Variants in ADAMTS20 observed in about 807,000 individuals in gnomAD.
The protein encoded by ADAMTS20 is A disintegrin and metalloproteinase with thrombospondin motifs 20.
In ADAMTS20, 225 loss-of-function variants were observed where a neutral mutation model predicts 260.1. The ratio of observed to expected loss-of-function variants is 0.87; its 90% CI spans 0.78 to 0.97. ADAMTS20 has a LOEUF of 0.97. Ranked by LOEUF, ADAMTS20 falls within the 50% of genes least tolerant of loss-of-function variation. The pLI is 0.00. For synonymous variants in ADAMTS20, 802 were observed against 769.5 expected (o/e 1.04, Z -0.70); for missense variants, 2,400 against 2,337.7 (o/e 1.03, Z -0.55).
At chr12:43,371,867 C>T (rs1213189668) in intron 36 of ADAMTS20, among the ~76,000 whole-genome samples, 1 of 152,124 alleles carries the variant, frequency 6.6e-6, no homozygotes, top group Admixed American at 6.5e-5. Context: ...ATTCACCTGA[C>T]AGAAGTTGAT....
chr12:43,392,819 G>A (rs1350959204), intron 29 of ADAMTS20, among the ~76,000 whole-genome samples: 2 of 151,974 alleles, frequency 1.3e-5, no homozygotes, highest in African/African-American at 4.8e-5. Context: ...CTCCTTCTCA[G>A]GGTCTTTTAC....
At chr12:43,449,629 C>T (rs901422062) in intron 14 of ADAMTS20, among the ~76,000 whole-genome samples, 30 of 151,928 alleles carry the variant, frequency 2.0e-4, no homozygotes, top group African/African-American at 7.2e-4. Context: ...TACCCCTGAA[C>T]CTAAAATAAA....
intron 3 of ADAMTS20, among the ~76,000 whole-genome samples, chr12:43,529,801 T>C (rs917888998): frequency 6.6e-6 from 1 of 152,140 alleles, no homozygotes; most frequent in Non-Finnish European, 1.5e-5. Context: ...CCAAAAGCTA[T>C]TAAAACTTTT....
intron 7 of ADAMTS20, among the ~76,000 whole-genome samples, chr12:43,483,820 G>C (rs1242550265): frequency 1.3e-5 from 2 of 152,148 alleles, no homozygotes; most frequent in Non-Finnish European, 2.9e-5. Flanking sequence ...ACCTGCTTTA[G>C]CCGCAGCCAG....
At chr12:43,487,512 T>G (rs1383956213) in intron 7 of ADAMTS20, among the ~76,000 whole-genome samples, 1 of 152,070 alleles carries the variant, frequency 6.6e-6, no homozygotes, top group East Asian at 1.9e-4. Flanking sequence ...CACGAAAATC[T>G]TAAGACTTCA....
At chr12:43,421,247 C>A (rs1941228294) in intron 28 of ADAMTS20, among the ~76,000 whole-genome samples, 1 of 107,546 alleles carries the variant, frequency 9.3e-6, no homozygotes, top group Admixed American at 1.2e-4. Flanking sequence ...GTGAATGCGC[C>A]AGAATTTAGG....
At chr12:43,539,520 G>A (rs1565587116) in intron 2 of ADAMTS20, among the ~76,000 whole-genome samples, 1 of 152,042 alleles carries the variant, frequency 6.6e-6, no homozygotes, top group Non-Finnish European at 1.5e-5. Flanking sequence ...CTTTTCTAGG[G>A]CTGATACCCT....
chr12:43,451,919 A>G (rs1414463338), intron 14 of ADAMTS20, among the ~76,000 whole-genome samples: 1 of 152,184 alleles, frequency 6.6e-6, no homozygotes, highest in African/African-American at 2.4e-5. Context: ...CAAGGAAAAC[A>G]TTACTGTAGA....
chr12:43,421,237 G>C lies in ADAMTS20; in HGVS notation c.4284+4277C>G, dbSNP rs544814053. ...CATTTTTTTTAAGAAGAAACACAAA[G>C]TGAATGCGCCAGAATTTAGGGTTCA... On this transcript the variant is annotated intron_variant, in intron 28 of 38. Coordinates refer to ENST00000389420, the MANE Select transcript of ADAMTS20 (RefSeq NM_025003.5). Among the ~76,000 whole-genome samples the C allele has an allele frequency of 2.9e-5, 4 of 137,886 alleles. No homozygotes were observed. In the Admixed American group the frequency reaches 3.2e-4, roughly 11 times the overall value. The allele number at this position is 137,886 out of a possible 152,430, so 90.5% of individuals were successfully genotyped here. A position where few individuals can be genotyped will look rare whatever the true frequency, so the allele number is the denominator to read the frequency against.
chr12:43,522,588 C>T (rs1432712271), intron 3 of ADAMTS20, among the ~76,000 whole-genome samples: 1 of 151,990 alleles, frequency 6.6e-6, no homozygotes, highest in Non-Finnish European at 1.5e-5. Flanking sequence ...GTGATCTGCC[C>T]TTAGAGACAA....
At chr12:43,512,309 C>T (rs540935689) in intron 3 of ADAMTS20, among the ~76,000 whole-genome samples, 1 of 148,224 alleles carries the variant, frequency 6.7e-6, no homozygotes, top group Admixed American at 6.8e-5. Context: ...ATAAAATACC[C>T]TCATTTTATA....
intron 4 of ADAMTS20, among the ~76,000 whole-genome samples, chr12:43,501,948 G>A (rs1357569191): frequency 6.6e-6 from 1 of 152,094 alleles, no homozygotes; most frequent in Non-Finnish European, 1.5e-5. Flanking sequence ...ATTTTTAAAT[G>A]TTTTAGAAAG....
At chr12:43,440,430 G>A (rs968538046) in intron 16 of ADAMTS20, among the ~76,000 whole-genome samples, 21 of 152,244 alleles carry the variant, frequency 1.4e-4, no homozygotes, top group African/African-American at 5.1e-4. Context: ...TTACAGGCGT[G>A]AGCAACCGCA....
chr12:43,504,991 T>C (rs559349772), intron 3 of ADAMTS20, among the ~76,000 whole-genome samples: 2 of 152,344 alleles, frequency 1.3e-5, no homozygotes, highest in South Asian at 2.1e-4. Context: ...AAGGAAAATA[T>C]ACATTCACAA....
chr12:43,484,790 T>G (rs1942496968), intron 7 of ADAMTS20, among the ~76,000 whole-genome samples: 3 of 152,070 alleles, frequency 2.0e-5, no homozygotes, highest in Admixed American at 2.0e-4. Flanking sequence ...GAGGAAAACT[T>G]CTCTGGCCTT....
intron 36 of ADAMTS20, among the ~76,000 whole-genome samples, chr12:43,370,453 T>C (rs1413370625): frequency 6.6e-6 from 1 of 152,232 alleles, no homozygotes; most frequent in African/African-American, 2.4e-5. Flanking sequence ...CACTATTTAT[T>C]TGTGGCATTT....
At position 43,502,205 on chromosome 12, in the gene ADAMTS20, C is replaced by A. The variant is rs1431548900; in HGVS notation, c.814G>T (p.Val272Phe). 1.2e-6 allele frequency: 2 copies of A among 1,609,790 alleles called. No individual in the cohort carries two copies. Among genetic ancestry groups the A allele is most frequent in the Non-Finnish European group, 1.7e-6 (2 of 1,178,398 alleles). The change falls in exon 4 of 39, where the codon GTT (valine) becomes TTT (phenylalanine). Residue 272 changes from valine to phenylalanine, a missense_variant. Physicochemically the swap from Val to Phe is conservative, Grantham distance 50. Coordinates refer to ENST00000389420, the MANE Select transcript of ADAMTS20 (RefSeq NM_025003.5). Reference protein sequence around the residue: ...EIMVTADAKVVSAHGSNLQNY... With the variant: ...EIMVTADAKVFSAHGSNLQNY... ...TGCAAATTCGATCCATGAGCAGAAA[C>A]CACTTTAGCATCAGCTGTAACCATA...
chr12:43,424,260 C>T (rs1458397910), intron 28 of ADAMTS20, among the ~76,000 whole-genome samples: 1 of 151,898 alleles, frequency 6.6e-6, no homozygotes, highest in Non-Finnish European at 1.5e-5. Flanking sequence ...AATCAAAATG[C>T]CTATTTCAAT....
At chr12:43,477,053 T>TAAA (rs75788250) in intron 7 of ADAMTS20, among the ~76,000 whole-genome samples, 1 of 118,092 alleles carries the variant, frequency 8.5e-6, no homozygotes, top group Non-Finnish European at 1.8e-5. Context: ...GACCTCTAAA[T>TAAA]AAAAAAAAAA....
Sources: gnomAD v4.1 joint callset for allele counts (sites outside exome capture counted in the v4.1 genomes callset) on GRCh38, gnomAD v4.1.1 for gene constraint, MANE v1.5 for transcripts, NCBI Gene and HGNC (gene_info 2026-07-23, HGNC 2026-07-21) for gene names.